Variants in CNTNAP5 observed in about 807,000 individuals in gnomAD.
CNTNAP5 encodes the protein contactin associated protein family member 5.
Under a neutral mutation model 150.2 loss-of-function variants are expected in CNTNAP5, and 72 were observed. The observed-to-expected ratio is 0.48, with a 90% CI of 0.40 to 0.58. CNTNAP5 has a LOEUF of 0.58. Ranked by LOEUF, CNTNAP5 falls within the 20% of genes least tolerant of loss-of-function variation. CNTNAP5 has a pLI of 0.00. For missense variants in CNTNAP5, 1,636 were observed against 1,626.2 expected, an observed-to-expected ratio of 1.01 and a Z score of -0.10; for synonymous variants, 672 against 619.8, an observed-to-expected ratio of 1.08 and a Z score of -1.25.
intron 2 of CNTNAP5, among the ~76,000 whole-genome samples, chr2:124,228,929 C>T (rs1686539866): frequency 6.6e-6 from 1 of 152,126 alleles, no homozygotes; most frequent in South Asian, 2.1e-4. Flanking sequence ...TACCTCATCA[C>T]TGCTGAACTA....
intron 12 of CNTNAP5, among the ~76,000 whole-genome samples, chr2:124,634,852 T>C (rs969536649): frequency 6.6e-6 from 1 of 152,182 alleles, no homozygotes; most frequent in African/African-American, 2.4e-5. Flanking sequence ...TGGATATTAT[T>C]GCCCATATGA....
At chr2:124,086,394 G>A (rs1022307602) in intron 1 of CNTNAP5, among the ~76,000 whole-genome samples, 10 of 151,212 alleles carry the variant, frequency 6.6e-5, no homozygotes, top group African/African-American at 2.2e-4. Context: ...TAGTAGAAAC[G>A]GGGTTTCATC....
intron 10 of CNTNAP5, among the ~76,000 whole-genome samples, chr2:124,555,257 C>G (rs1221526100): frequency 6.6e-6 from 1 of 152,106 alleles, no homozygotes; most frequent in Admixed American, 6.5e-5. Context: ...TTATTTTAAA[C>G]TTTTGATACT....
intron 1 of CNTNAP5, among the ~76,000 whole-genome samples, chr2:124,067,705 G>T (rs937915628): frequency 2.6e-5 from 4 of 152,016 alleles, no homozygotes; most frequent in African/African-American, 9.7e-5. Context: ...CTTTTTAATC[G>T]TTGTGTTTTC....
intron 3 of CNTNAP5, among the ~76,000 whole-genome samples, chr2:124,317,134 G>A (rs143263099): frequency 1.3e-4 from 20 of 152,182 alleles, no homozygotes; most frequent in Admixed American, 9.8e-4. Context: ...TATTTACACC[G>A]GGTGGCTTCA....
intron 8 of CNTNAP5, among the ~76,000 whole-genome samples, chr2:124,508,664 C>A (rs894496414): frequency 6.6e-6 from 1 of 152,152 alleles, no homozygotes; most frequent in African/African-American, 2.4e-5. Context: ...CTCTCAGAAA[C>A]TGAAATAAGC....
intron 13 of CNTNAP5, among the ~76,000 whole-genome samples, chr2:124,704,576 G>T (rs184645419): frequency 5.9e-4 from 90 of 152,262 alleles, no homozygotes; most frequent in Admixed American, 5.7e-3. Flanking sequence ...ATCATTAATT[G>T]ATGAGACAGA....
chr2:124,586,577 C>T (rs765379957), intron 11 of CNTNAP5, among the ~76,000 whole-genome samples: 2 of 152,144 alleles, frequency 1.3e-5, no homozygotes, highest in Admixed American at 6.5e-5. Flanking sequence ...AAACTTTCAC[C>T]TCTTTACCTT....
chr2:124,463,069 C>T (rs1693290223), intron 6 of CNTNAP5, among the ~76,000 whole-genome samples: 1 of 152,152 alleles, frequency 6.6e-6, no homozygotes, highest in Non-Finnish European at 1.5e-5. Context: ...AAGGCCCTGC[C>T]CTTGTGACAC....
intron 1 of CNTNAP5, among the ~76,000 whole-genome samples, chr2:124,031,937 G>A (rs1681064232): frequency 6.6e-6 from 1 of 152,104 alleles, no homozygotes; most frequent in Admixed American, 6.5e-5. Flanking sequence ...GTCAAGAGCA[G>A]ATTTAAATGT....
intron 7 of CNTNAP5, among the ~76,000 whole-genome samples, chr2:124,483,559 G>A (rs1693805796): frequency 1.3e-5 from 2 of 152,076 alleles, no homozygotes; most frequent in African/African-American, 4.8e-5. Flanking sequence ...AGGGCAGTGG[G>A]GAGTGTTGAA....
intron 13 of CNTNAP5, among the ~76,000 whole-genome samples, chr2:124,699,521 C>T (rs1679475193): frequency 6.6e-6 from 1 of 152,168 alleles, no homozygotes; most frequent in Non-Finnish European, 1.5e-5. Context: ...GTCAAGTGAA[C>T]AGGCTGTGCT....
intron 18 of CNTNAP5, among the ~76,000 whole-genome samples, chr2:124,791,165 A>G (rs1355160974): frequency 6.6e-6 from 1 of 152,204 alleles, no homozygotes; most frequent in East Asian, 1.9e-4. Flanking sequence ...CCAGCTTGCT[A>G]CTGTTGGAAC....
At chr2:124,570,095 G>A (rs762799346) in intron 11 of CNTNAP5, among the ~76,000 whole-genome samples, 16 of 152,080 alleles carry the variant, frequency 1.1e-4, no homozygotes, top group Admixed American at 6.5e-5. Flanking sequence ...CCATAAGAAC[G>A]GGATGATATC....
intron 13 of CNTNAP5, among the ~76,000 whole-genome samples, chr2:124,727,306 C>T (rs1680178423): frequency 6.6e-6 from 1 of 151,918 alleles, no homozygotes; most frequent in Non-Finnish European, 1.5e-5. Context: ...TTTGACTATT[C>T]AGGGTCTTTT....
At chr2:124,510,196 A>T (rs1694525205) in intron 8 of CNTNAP5, among the ~76,000 whole-genome samples, 1 of 149,890 alleles carries the variant, frequency 6.7e-6, no homozygotes, top group Non-Finnish European at 1.5e-5. Context: ...TGACAGAGTG[A>T]GACTCCATCT....
intron 13 of CNTNAP5, among the ~76,000 whole-genome samples, chr2:124,700,357 T>C (rs1287309926): frequency 1.3e-5 from 2 of 152,236 alleles, no homozygotes; most frequent in Non-Finnish European, 2.9e-5. Flanking sequence ...ATGTTTTTAA[T>C]TTTCTTGAGT....
chr2:124,478,009 ATAAC>A (rs1693682941), intron 7 of CNTNAP5, among the ~76,000 whole-genome samples: 1 of 152,150 alleles, frequency 6.6e-6, no homozygotes, highest in Non-Finnish European at 1.5e-5. Context: ...TTAGATATAA[ATAAC>A]TAAGATCCCT....
intron 3 of CNTNAP5, among the ~76,000 whole-genome samples, chr2:124,245,897 A>G (rs2104773353): frequency 6.6e-6 from 1 of 151,972 alleles, no homozygotes; most frequent in African/African-American, 2.4e-5. Flanking sequence ...CATCTGGCTA[A>G]TTCTTTTGAA....
Sources: allele counts gnomAD v4.1 joint callset (sites outside exome capture counted in the v4.1 genomes callset), GRCh38; gene constraint gnomAD v4.1.1; transcripts MANE v1.5; gene names NCBI Gene and HGNC (gene_info 2026-07-23, HGNC 2026-07-21).